Variants in GTF2IRD1 observed in about 807,000 individuals in gnomAD.
GTF2IRD1 encodes GTF2I repeat domain containing 1.
In GTF2IRD1, 26 loss-of-function variants were observed where a neutral mutation model predicts 113.2. The observed-to-expected ratio is 0.23, with a 90% CI of 0.17 to 0.32. GTF2IRD1 has a LOEUF of 0.32. GTF2IRD1 is among the 10% of genes least tolerant of loss of function. The probability of loss-of-function intolerance (pLI) is 1.00; values close to 1 mark genes in which losing one functional copy is unlikely to be tolerated. For synonymous variants in GTF2IRD1, 484 were observed against 529.1 expected, an observed-to-expected ratio of 0.91 and a Z score of 1.17; for missense variants, 864 against 1,280.8, an observed-to-expected ratio of 0.67 and a Z score of 4.97.
intron 6 of GTF2IRD1, among the ~76,000 whole-genome samples, chr7:74,520,738 C>T (rs1797233818): frequency 7.2e-6 from 1 of 139,392 alleles, no homozygotes; most frequent in South Asian, 2.3e-4. Flanking sequence ...TCGAGACCAG[C>T]CTGGGTAACA....
At chr7:74,539,017 G>C (rs587631558) in intron 13 of GTF2IRD1, among the ~76,000 whole-genome samples, 1 of 152,318 alleles carries the variant, frequency 6.6e-6, no homozygotes, top group South Asian at 2.1e-4. Context: ...GGATTTGTGA[G>C]GCTGGACAGA....
chr7:74,600,665 C>T (rs1802703485), intron 25 of GTF2IRD1, among the ~76,000 whole-genome samples: 2 of 152,034 alleles, frequency 1.3e-5, no homozygotes, highest in Non-Finnish European at 2.9e-5. Flanking sequence ...GAGCCAAGAT[C>T]GCGCCACTGG....
At chr7:74,478,235 A>C (rs1242867748) in intron 1 of GTF2IRD1, among the ~76,000 whole-genome samples, 1 of 152,142 alleles carries the variant, frequency 6.6e-6, no homozygotes, top group African/African-American at 2.4e-5. Context: ...TGTGAGCAAC[A>C]CGGGACCTGA....
chr7:74,500,980 T>C (rs1438650683), intron 1 of GTF2IRD1, among the ~76,000 whole-genome samples: 3 of 152,136 alleles, frequency 2.0e-5, no homozygotes, highest in Non-Finnish European at 4.4e-5. Context: ...TTTATTCTCT[T>C]TTTAGAAAAT....
chr7:74,539,137 C>T (rs149759439), intron 13 of GTF2IRD1, among the ~76,000 whole-genome samples: 5 of 152,244 alleles, frequency 3.3e-5, no homozygotes, highest in African/African-American at 4.8e-5. Flanking sequence ...AGCCTCAGTA[C>T]GGGGTGACTG....
chr7:74,601,103 T>C lies in GTF2IRD1; in HGVS notation c.2689T>C (p.Ser897Pro), dbSNP rs782743813. ...RKRVSEGNSV[S>P]SSSSSSSSSS... is the part of the protein sequence containing the mutation. ...GCGGGTCTCGGAAGGAAATTCCGTC[T>C]CCTCTTCCTCCTCGTCTTCCTCTTC... The change falls in exon 26 of 27, where the codon TCC becomes CCC. Residue 897 changes from serine to proline, a missense_variant. By Grantham distance (74) the Ser-to-Pro change is moderately conservative. Coordinates refer to ENST00000424337, the MANE Select transcript of GTF2IRD1 (RefSeq NM_005685.4). 33 of 1,613,736 alleles carry C rather than the reference T, an allele frequency of 2.0e-5. No individual in the cohort carries two copies. In the African/African-American group the frequency reaches 2.7e-4, roughly 13 times the overall value.
intron 9 of GTF2IRD1, among the ~76,000 whole-genome samples, chr7:74,532,911 G>A (rs1299820739): frequency 6.6e-6 from 1 of 152,024 alleles, no homozygotes; most frequent in African/African-American, 2.4e-5. Context: ...CTCTGTCCGT[G>A]GTCCAGCCAC....
At chr7:74,478,271 G>A (rs1554333908) in intron 1 of GTF2IRD1, among the ~76,000 whole-genome samples, 1 of 152,184 alleles carries the variant, frequency 6.6e-6, no homozygotes, top group African/African-American at 2.4e-5. Flanking sequence ...GCAGCTCGGC[G>A]GGTGATGTCA....
intron 2 of GTF2IRD1, among the ~76,000 whole-genome samples, chr7:74,508,501 C>T (rs1796426955): frequency 6.6e-6 from 1 of 152,062 alleles, no homozygotes; most frequent in Non-Finnish European, 1.5e-5. Flanking sequence ...ACTAGCCTGG[C>T]CAACATGGTG....
rs1554353532 is a variant in GTF2IRD1 at position 74,547,212 on chromosome 7, G to C, written c.1842G>C (p.Arg614Ser). ...TGCCTGAAGGCATCTCCCTCCGCAG[G>C]CCCAACTGCTTCGGGATCGCCAAGC... The part of the protein sequence containing the change: ...VGLPEGISLR[R>S]PNCFGIAKLR... The change falls in exon 17 of 27, where the codon AGG becomes AGC. Residue 614 changes from arginine to serine, a missense_variant. Arg to Ser is a moderately radical substitution (Grantham distance 110, BLOSUM62 -1). Coordinates refer to ENST00000424337, the MANE Select transcript of GTF2IRD1 (RefSeq NM_005685.4). 6.2e-7 allele frequency: 1 copy of C among 1,613,504 alleles called. No homozygotes were observed. Among genetic ancestry groups the C allele is most frequent in the Non-Finnish European group, 8.5e-7 (1 of 1,179,854 alleles).
chr7:74,465,463 A>G (rs1318436360), intron 1 of GTF2IRD1, among the ~76,000 whole-genome samples: 2 of 152,168 alleles, frequency 1.3e-5, no homozygotes, highest in East Asian at 3.9e-4. Context: ...CTGCTGTGTG[A>G]CCACAGGCAA....
chr7:74,580,581 T>C (rs1301132398), intron 22 of GTF2IRD1, among the ~76,000 whole-genome samples: 7 of 151,972 alleles, frequency 4.6e-5, no homozygotes, highest in South Asian at 2.1e-4. Flanking sequence ...CTTTTTTTTT[T>C]CCCCCTTGGC....
chr7:74,533,799 T>C (rs1261218414), intron 9 of GTF2IRD1, among the ~76,000 whole-genome samples: 1 of 152,110 alleles, frequency 6.6e-6, no homozygotes, highest in African/African-American at 2.4e-5. Flanking sequence ...TCTGGGAGGC[T>C]GAGGCAGGAG....
Position 74,555,426 on chromosome 7 carries a change from C to A in GTF2IRD1, c.1967-12C>A. The A allele has an allele frequency of 6.2e-7, 1 of 1,613,812 alleles. No individual in the cohort carries two copies. Among genetic ancestry groups the A allele is most frequent in the Non-Finnish European group, 8.5e-7 (1 of 1,179,670 alleles). ...TCCTCACTTGGCTTCTCTCCCCCTG[C>A]CCTGCCCCCAGAGAGGGATTCCGGG... On this transcript the variant is annotated splice_polypyrimidine_tract_variant and intron_variant, in intron 18 of 26. Transcript: ENST00000424337. This position sits in a 1 kb window ranked among gnomAD's most constrained non-coding sequence, Gnocchi z 5.3.
chr7:74,565,978 G>A (rs587715904), intron 22 of GTF2IRD1, among the ~76,000 whole-genome samples: 7 of 148,622 alleles, frequency 4.7e-5, no homozygotes, highest in Non-Finnish European at 1.0e-4. Flanking sequence ...GAGTGACAGA[G>A]TAAGACCCTC....
chr7:74,461,363 A>G lies in GTF2IRD1; in HGVS notation c.-7+7187A>G, dbSNP rs561367062. On this transcript the variant is annotated intron_variant, in intron 1 of 26. Transcript: ENST00000424337. The stretch of plus-strand genomic sequence containing the variant: ...GTGTCTTAGATGGTTGGCCGAGGGT[A>G]GGCCTCTTTGCTGGCTGGGGTCTAG... 3.3e-5 allele frequency among the ~76,000 whole-genome samples: 5 copies of G among 152,230 alleles called. No individual in the cohort carries two copies. The South Asian group carries it at 1.0e-3, about 32-fold the overall frequency.
chr7:74,471,468 C>G (rs544334667), intron 1 of GTF2IRD1, among the ~76,000 whole-genome samples: 1 of 151,904 alleles, frequency 6.6e-6, no homozygotes, highest in Non-Finnish European at 1.5e-5. Flanking sequence ...ATAATTGTGC[C>G]ACTGCACTCT....
intron 25 of GTF2IRD1, among the ~76,000 whole-genome samples, chr7:74,598,147 C>T (rs1200294092): frequency 1.3e-5 from 2 of 151,992 alleles, no homozygotes; most frequent in Non-Finnish European, 2.9e-5. Flanking sequence ...TGCTTGAGGC[C>T]GGAAGGTGGA....
intron 1 of GTF2IRD1, among the ~76,000 whole-genome samples, chr7:74,458,163 G>T (rs1327572060): frequency 6.6e-6 from 1 of 152,062 alleles, no homozygotes; most frequent in Non-Finnish European, 1.5e-5. Flanking sequence ...GAGACACTGC[G>T]CCCGGTCCTG....
Sources: gnomAD v4.1 joint callset for allele counts (sites outside exome capture counted in the v4.1 genomes callset) on GRCh38, gnomAD v4.1.1 for gene constraint, Gnocchi (gnomAD v3.1) non-coding constraint, MANE v1.5 for transcripts, NCBI Gene and HGNC (gene_info 2026-07-23, HGNC 2026-07-21) for gene names.